Variants in MTUS2 observed in about 807,000 individuals in gnomAD.
The protein encoded by MTUS2 is microtubule associated scaffold protein 2, also known as microtubule-associated tumor suppressor candidate 2.
MTUS2 carries 40 observed loss-of-function variants against 114.1 expected under a neutral mutation model. The ratio of observed to expected loss-of-function variants is 0.35; its 90% CI spans 0.27 to 0.46. The LOEUF (loss-of-function observed/expected upper bound fraction) is 0.46. Among genes scored for constraint, MTUS2 ranks in the 20% least tolerant of loss-of-function variants. MTUS2 has a pLI of 1.00. For missense variants in MTUS2, 1,679 were observed against 1,705.4 expected, an observed-to-expected ratio of 0.98 and a Z score of 0.27; for synonymous variants, 688 against 672.0, an observed-to-expected ratio of 1.02 and a Z score of -0.37.
chr13:29,349,105 C>G lies in MTUS2; in HGVS notation c.2906-10157C>G, dbSNP rs1193183788. ...CCCATATGTTCTTTCTTTTCTTTTC[C>G]CTCTTTTACTGCCTTCTTTTGGCAT... On this transcript the variant is annotated intron_variant, in intron 7 of 15. Coordinates refer to ENST00000612955, the MANE Select transcript of MTUS2 (RefSeq NM_001033602.4). Among the ~76,000 whole-genome samples, 3 of 151,648 alleles carry G rather than the reference C, an allele frequency of 2.0e-5. No homozygotes were observed. In the East Asian group the frequency reaches 5.8e-4, roughly 29 times the overall value.
intron 5 of MTUS2, among the ~76,000 whole-genome samples, chr13:29,156,284 G>A (rs1160713090): frequency 6.6e-6 from 1 of 152,098 alleles, no homozygotes; most frequent in African/African-American, 2.4e-5. Context: ...AAAAGAATAA[G>A]TCACAGTTGA....
chr13:29,350,965 A>C (rs369480947), intron 7 of MTUS2, among the ~76,000 whole-genome samples: 706 of 21,006 alleles, frequency 0.034, 22 homozygotes, highest in African/African-American at 0.058. Flanking sequence ...TATTTCATAT[A>C]TATATATATA....
intron 5 of MTUS2, among the ~76,000 whole-genome samples, chr13:29,196,107 T>G (rs1894687266): frequency 6.6e-6 from 1 of 151,938 alleles, no homozygotes; most frequent in South Asian, 2.1e-4. Context: ...GATTTTTTTT[T>G]TTTTTTTGAG....
At chr13:28,920,117 T>G (rs1227966787) in intron 2 of MTUS2, among the ~76,000 whole-genome samples, 1 of 152,222 alleles carries the variant, frequency 6.6e-6, no homozygotes, top group African/African-American at 2.4e-5. Flanking sequence ...TTGGATGGTC[T>G]TGATGCTTAT....
At chr13:29,175,670 G>A (rs1354564617) in intron 5 of MTUS2, among the ~76,000 whole-genome samples, 7 of 152,188 alleles carry the variant, frequency 4.6e-5, no homozygotes, top group Non-Finnish European at 8.8e-5. Flanking sequence ...CAAGACAATA[G>A]GGTGTTGCTA....
At chr13:29,488,122 C>T in intron 11 of MTUS2, 117 bp downstream of exon 11, 1 of 768,224 alleles carries the variant, frequency 1.3e-6, no homozygotes, top group Non-Finnish European at 2.2e-6. Flanking sequence ...GTCTTTCCCT[C>T]CTGGTGCATT....
chr13:28,974,119 C>G (rs1229015419), intron 2 of MTUS2, among the ~76,000 whole-genome samples: 1 of 152,166 alleles, frequency 6.6e-6, no homozygotes, highest in East Asian at 1.9e-4. Flanking sequence ...TGTGTGGACG[C>G]AGAGAGCTAA....
chr13:29,491,328 TTAG>T (rs1882058598), intron 11 of MTUS2, among the ~76,000 whole-genome samples: 1 of 149,248 alleles, frequency 6.7e-6, no homozygotes, highest in Non-Finnish European at 1.5e-5. Context: ...GAGGGTGTGA[TTAG>T]TGTGTGTGGG....
At chr13:29,101,054 G>C in intron 5 of MTUS2, 84 bp downstream of exon 5, 1 of 1,354,612 alleles carries the variant, frequency 7.4e-7, no homozygotes, top group East Asian at 2.5e-5. Flanking sequence ...TTCTTTGCAT[G>C]ATTATTTAAG....
chr13:28,953,723 C>T (rs1882923590), intron 2 of MTUS2, among the ~76,000 whole-genome samples: 1 of 152,136 alleles, frequency 6.6e-6, no homozygotes, highest in South Asian at 2.1e-4. Context: ...TAGTCCCCTC[C>T]CTAGATTTTC....
intron 1 of MTUS2, among the ~76,000 whole-genome samples, chr13:28,832,414 AAAG>A (rs974461330): frequency 3.9e-5 from 6 of 152,102 alleles, no homozygotes; most frequent in African/African-American, 1.2e-4. Flanking sequence ...CTAGTGGATT[AAAG>A]AAGAAATCAG....
intron 4 of MTUS2, among the ~76,000 whole-genome samples, chr13:29,092,978 G>C (rs888499780): frequency 2.6e-5 from 4 of 152,102 alleles, no homozygotes; most frequent in Non-Finnish European, 5.9e-5. Flanking sequence ...GTGGGACGGA[G>C]TTTGTGAGGT....
intron 2 of MTUS2, among the ~76,000 whole-genome samples, chr13:28,921,551 G>T (rs1360960241): frequency 6.6e-6 from 1 of 152,156 alleles, no homozygotes; most frequent in Non-Finnish European, 1.5e-5. Context: ...CTTAGGTCAT[G>T]TGCCACCCTA....
At chr13:28,953,898 A>C (rs1882931960) in intron 2 of MTUS2, among the ~76,000 whole-genome samples, 1 of 152,236 alleles carries the variant, frequency 6.6e-6, no homozygotes, top group Non-Finnish European at 1.5e-5. Context: ...TTGAGTCCCA[A>C]AAACATACTG....
At chr13:28,891,584 T>G (rs1878925869) in intron 2 of MTUS2, among the ~76,000 whole-genome samples, 1 of 151,722 alleles carries the variant, frequency 6.6e-6, no homozygotes, top group African/African-American at 2.4e-5. Context: ...ATGAAATAAA[T>G]AAGAATAACA....
At chr13:29,490,068 C>T (rs1593509172) in intron 11 of MTUS2, 1 of 152,134 alleles carries the variant, frequency 6.6e-6, no homozygotes, top group South Asian at 2.1e-4. Flanking sequence ...AGGCCATGTG[C>T]GTGTAGGTAA....
chr13:29,270,364 T>A (rs1007368900), intron 5 of MTUS2, among the ~76,000 whole-genome samples: 1 of 152,074 alleles, frequency 6.6e-6, no homozygotes, highest in Non-Finnish European at 1.5e-5. Flanking sequence ...TCAGACGCGG[T>A]GGACAGCATC....
intron 8 of MTUS2, among the ~76,000 whole-genome samples, chr13:29,360,724 CG>C (rs1870169353): frequency 8.2e-6 from 1 of 121,500 alleles, no homozygotes; most frequent in African/African-American, 2.9e-5. Flanking sequence ...GTTACAAACA[CG>C]TCTTCAAGGA....
intron 8 of MTUS2, among the ~76,000 whole-genome samples, chr13:29,423,929 A>G (rs1170935176): frequency 6.6e-6 from 1 of 150,940 alleles, no homozygotes; most frequent in Non-Finnish European, 1.5e-5. Flanking sequence ...CAGTGACACG[A>G]TCTCGGCTCA....
Sources: gnomAD v4.1 joint callset for allele counts (sites outside exome capture counted in the v4.1 genomes callset) on GRCh38, gnomAD v4.1.1 for gene constraint, MANE v1.5 for transcripts, NCBI Gene and HGNC (gene_info 2026-07-23, HGNC 2026-07-21) for gene names.